The following ECE1 variants were observed in gnomAD, a reference collection of about 807,000 sequenced individuals.
ECE1 encodes the protein endothelin-converting enzyme 1.
Under a neutral mutation model 98.6 loss-of-function variants are expected in ECE1, and 35 were observed. That is an observed-to-expected ratio of 0.35 (90% CI 0.27 to 0.47). ECE1 has a LOEUF of 0.47. Among genes scored for constraint, ECE1 ranks in the 20% least tolerant of loss-of-function variants. The pLI, the probability that ECE1 is intolerant of heterozygous loss-of-function variation, is 1.00. For synonymous variants in ECE1, 394 were observed against 407.1 expected (o/e 0.97, Z 0.39); for missense variants, 814 against 1,025.3 (o/e 0.79, Z 2.81).
chr1:21,289,914 A>G (rs1166195319), intron 2 of ECE1, among the ~76,000 whole-genome samples, 156 bp downstream of exon 2: 1 of 138,290 alleles, frequency 7.2e-6, no homozygotes, highest in Non-Finnish European at 1.5e-5. Context: ...GCGGAGCTCC[A>G]GCTGCGGGGA....
chr1:21,324,679 G>C (rs1251418312), intron 1 of ECE1, among the ~76,000 whole-genome samples: 2 of 152,196 alleles, frequency 1.3e-5, no homozygotes, highest in African/African-American at 4.8e-5. Flanking sequence ...TCAGGCAGAA[G>C]GAGCCCGCGG....
At chr1:21,341,107 G>A (rs1048020386) in intron 1 of ECE1, among the ~76,000 whole-genome samples, 1 of 152,010 alleles carries the variant, frequency 6.6e-6, no homozygotes, top group African/African-American at 2.4e-5. Flanking sequence ...TGTGCTCAGG[G>A]AGCCTTTTCT....
chr1:21,312,732 T>C (rs1638755650), intron 1 of ECE1, among the ~76,000 whole-genome samples: 1 of 152,122 alleles, frequency 6.6e-6, no homozygotes, highest in African/African-American at 2.4e-5. Flanking sequence ...GTGGTGGACA[T>C]GGGTCTATAC....
At chr1:21,306,249 C>A (rs956831982) in intron 1 of ECE1, among the ~76,000 whole-genome samples, 2 of 151,894 alleles carry the variant, frequency 1.3e-5, no homozygotes, top group Non-Finnish European at 2.9e-5. Context: ...AACAATGTTA[C>A]TAAGAGTCGC....
chr1:21,342,646 A>ACACACG (rs1639424021), intron 1 of ECE1, among the ~76,000 whole-genome samples: 1 of 139,602 alleles, frequency 7.2e-6, no homozygotes, highest in African/African-American at 2.8e-5. Flanking sequence ...ACACACACAC[A>ACACACG]CGCCCTGCAA....
intron 1 of ECE1, among the ~76,000 whole-genome samples, chr1:21,296,433 A>G (rs192935185): frequency 7.2e-4 from 109 of 152,288 alleles, no homozygotes; most frequent in African/African-American, 2.2e-3. Flanking sequence ...GGATTGCTTG[A>G]GCCTAGAAGG....
chr1:21,238,828 T>TTTCTTTTG, intron 10 of ECE1, among the ~76,000 whole-genome samples: 1 of 152,020 alleles, frequency 6.6e-6, no homozygotes, highest in Non-Finnish European at 1.5e-5. Context: ...TTTTTCTTTT[T>TTTCTTTTG]TTTTGGCAGG....
intron 1 of ECE1, chr1:21,298,643 G>A (rs538774577): frequency 1.2e-5 from 5 of 415,636 alleles, no homozygotes; most frequent in East Asian, 1.4e-4. Flanking sequence ...CCTGGGGCTC[G>A]GTGGCACATG....
chr1:21,259,743 A>T (rs1216126405), intron 5 of ECE1, among the ~76,000 whole-genome samples: 1 of 152,184 alleles, frequency 6.6e-6, no homozygotes, highest in African/African-American at 2.4e-5. Context: ...AGGAAGCCTC[A>T]GAGTCTGGGA....
At chr1:21,332,733 AGGGGAGGGGAGGGGAGGGGAG>A (rs1639226471) in intron 1 of ECE1, among the ~76,000 whole-genome samples, 1 of 3,752 alleles carries the variant, frequency 2.7e-4, no homozygotes, top group Non-Finnish European at 4.9e-4. Flanking sequence ...AGGGGAGGGG[AGGGGAGGGGAGGGGAGGGGAG>A]GGGGAGAAAG....
intron 1 of ECE1, among the ~76,000 whole-genome samples, chr1:21,312,905 T>G (rs1464892958): frequency 6.6e-6 from 1 of 152,160 alleles, no homozygotes; most frequent in Non-Finnish European, 1.5e-5. Flanking sequence ...ACACAAAGTA[T>G]TGTGATCACC....
At chr1:21,254,606 G>A (rs2098217559) in intron 8 of ECE1, among the ~76,000 whole-genome samples, 2 of 152,174 alleles carry the variant, frequency 1.3e-5, no homozygotes, top group African/African-American at 2.4e-5. Flanking sequence ...TTGGCATCAT[G>A]GCCACGGTAG....
chr1:21,282,841 A>C (rs2098256382), intron 2 of ECE1, among the ~76,000 whole-genome samples: 1 of 152,070 alleles, frequency 6.6e-6, no homozygotes, highest in South Asian at 2.1e-4. Flanking sequence ...TAGGAAAGGG[A>C]AAAAAGAACA....
chr1:21,335,506 C>T (rs1020252561), intron 1 of ECE1, among the ~76,000 whole-genome samples: 2 of 152,164 alleles, frequency 1.3e-5, no homozygotes, highest in Admixed American at 6.5e-5. Context: ...TGGATTGAGC[C>T]GCCCAAAGTC....
chr1:21,269,963 T>C (rs775303948), intron 4 of ECE1, among the ~76,000 whole-genome samples: 3 of 152,148 alleles, frequency 2.0e-5, no homozygotes, highest in Non-Finnish European at 4.4e-5. Flanking sequence ...CACGGCTTGA[T>C]TGTCAGGAAC....
chr1:21,338,703 T>C (rs1314388899), intron 1 of ECE1, among the ~76,000 whole-genome samples: 2 of 152,160 alleles, frequency 1.3e-5, no homozygotes, highest in Non-Finnish European at 2.9e-5. Flanking sequence ...AGGACAAGGA[T>C]TAGTGGCAGA....
At chr1:21,271,884 C>T (rs212549) in intron 4 of ECE1, among the ~76,000 whole-genome samples, 14,769 of 151,932 alleles carry the variant, frequency 0.097, 1,084 homozygotes, top group East Asian at 0.44. Context: ...TTCCCGCCTA[C>T]ACTGAATAAC....
At chr1:21,251,122 TA>T (rs2098212280) in intron 8 of ECE1, among the ~76,000 whole-genome samples, 1 of 152,136 alleles carries the variant, frequency 6.6e-6, no homozygotes, top group Admixed American at 6.6e-5. Flanking sequence ...TCTTTGGGTT[TA>T]AAAGGGCAAC....
Position 21,225,493 on chromosome 1 carries a change from C to T in ECE1, c.1850-53G>A. 1.3e-6 allele frequency: 2 copies of T among 1,584,500 alleles called. No individual in the cohort carries two copies. The highest frequency in any genetic ancestry group is 1.1e-5 in the South Asian group (1 of 88,866). On this transcript the variant is annotated intron_variant, in intron 16 of 18. Coordinates refer to ENST00000374893, the MANE Select transcript of ECE1 (RefSeq NM_001397.3). This position sits in a 1 kb window ranked among gnomAD's most constrained non-coding sequence, Gnocchi z 5.3. The stretch of plus-strand genomic sequence containing the variant: ...AAGGGAGGGAGGGGCACAGCAGGGA[C>T]CTGCTGCTCCTCCCTGCTCCTGGTG...
Sources: gnomAD v4.1 joint callset for allele counts (sites outside exome capture counted in the v4.1 genomes callset) on GRCh38, gnomAD v4.1.1 for gene constraint, Gnocchi (gnomAD v3.1) non-coding constraint, MANE v1.5 for transcripts, NCBI Gene and HGNC (gene_info 2026-07-23, HGNC 2026-07-21) for gene names.